EIF2AK4: variants seen among roughly 807,000 people sequenced by gnomAD.
EIF2AK4 encodes the protein eukaryotic translation initiation factor 2 alpha kinase 4.
EIF2AK4 carries 139 observed loss-of-function variants against 211.1 expected under a neutral mutation model. The observed-to-expected ratio is 0.66, with a 90% CI of 0.57 to 0.76. The LOEUF (loss-of-function observed/expected upper bound fraction) is 0.76. Ranked by LOEUF, EIF2AK4 falls within the 30% of genes least tolerant of loss-of-function variation. The pLI, the probability that EIF2AK4 is intolerant of heterozygous loss-of-function variation, is 0.00. For missense variants in EIF2AK4, 1,664 were observed against 2,043.8 expected, an observed-to-expected ratio of 0.81 and a Z score of 3.58; for synonymous variants, 710 against 751.3, an observed-to-expected ratio of 0.94 and a Z score of 0.90.
rs762491649 is a variant in EIF2AK4 at position 39,976,562 on chromosome 15, T to TCGAGCGGCA, written c.1976_1984dup (p.His659_Arg661dup). On this transcript the variant is annotated inframe_insertion, in exon 12 of 39. Coordinates refer to ENST00000263791, the MANE Select transcript of EIF2AK4 (RefSeq NM_001013703.4). ...ATTGTGCGCTACTACAACGCCTGGA[T>TCGAGCGGCA]CGAGCGGCACGAGCGGCCGGCGGGA... 108 of 1,612,464 alleles carry TCGAGCGGCA rather than the reference T, an allele frequency of 6.7e-5. 1 individual carries two copies. The highest frequency in any genetic ancestry group is 1.6e-4 in the Middle Eastern group (1 of 6,080).
At chr15:40,000,129 T>TG (rs1180884830) in intron 20 of EIF2AK4, among the ~76,000 whole-genome samples, 1 of 152,246 alleles carries the variant, frequency 6.6e-6, no homozygotes, top group Non-Finnish European at 1.5e-5. Context: ...GGGTCTATTA[T>TG]GCTCAATAGG....
Position 39,987,872 on chromosome 15 carries a change from G to A in EIF2AK4, c.2404-111G>A, listed in dbSNP as rs56324718. 9,451 of 1,270,320 alleles carry A rather than the reference G, an allele frequency of 7.4e-3. 46 individuals carry two copies. The highest frequency in any genetic ancestry group is 8.4e-3 in the Non-Finnish European group (7,779 of 927,024). 78.7% of individuals were successfully genotyped at this position (1,270,320 alleles called of 1,614,324 possible). A position where few individuals can be genotyped will look rare whatever the true frequency, so the allele number is the denominator to read the frequency against. On this transcript the variant is annotated intron_variant, in intron 14 of 38. Coordinates refer to ENST00000263791, the MANE Select transcript of EIF2AK4 (RefSeq NM_001013703.4). ...AGAAAACCAAGTCTTTCCCCTAACC[G>A]TTTAAAACCCATGGTACACGTTTTA...
In EIF2AK4 at chr15:39,967,830, G is replaced by T; in HGVS notation, c.1504G>T (p.Val502Leu). 1.9e-6 allele frequency: 3 copies of T among 1,614,174 alleles called. No individual in the cohort carries two copies. The highest frequency in any genetic ancestry group is 2.5e-6 in the Non-Finnish European group (3 of 1,180,016). The change falls in exon 9 of 39, where the codon GTG becomes TTG. Residue 502 changes from valine (V) to leucine (L), a missense_variant. Around this residue, in one of 7 missense-constraint regions of EIF2AK4, gnomAD observed 641 missense variants for 729.6 expected, o/e 0.88. Transcript: ENST00000263791. Reference protein sequence around the residue: ...SQGQECGEYPVTIPSDLPADF... With the variant: ...SQGQECGEYPLTIPSDLPADF... ...AGGACAGGAATGTGGAGAGTACCCT[G>T]TGACCATCCCTAGTGACTTACCAGC...
At chr15:40,011,856 A>G (rs1225596559) in intron 27 of EIF2AK4, among the ~76,000 whole-genome samples, 1 of 152,210 alleles carries the variant, frequency 6.6e-6, no homozygotes, top group Non-Finnish European at 1.5e-5. Flanking sequence ...CATCATCAAT[A>G]AGGGAAATCT....
At chr15:39,981,208 A>G (rs557734346) in intron 13 of EIF2AK4, among the ~76,000 whole-genome samples, 1 of 152,206 alleles carries the variant, frequency 6.6e-6, no homozygotes, top group South Asian at 2.1e-4. Flanking sequence ...CATCTCTACT[A>G]AAAATACAAA....
At chr15:40,003,050 A>C in intron 22 of EIF2AK4, 143 bp from the exon 23 acceptor site, 3 of 1,274,106 alleles carry the variant, frequency 2.4e-6, no homozygotes, top group Non-Finnish European at 3.2e-6. Flanking sequence ...TCTATTTATA[A>C]ATTTAGAGAA....
Position 40,019,089 on chromosome 15 carries a change from A to G in EIF2AK4, c.4066-4A>G. 1 of 1,599,614 alleles carries G rather than the reference A, an allele frequency of 6.3e-7. No homozygotes were observed. The highest frequency in any genetic ancestry group is 8.5e-7 in the Non-Finnish European group (1 of 1,171,632). ...TAACCATAACTGTTTGTGTCTCTCC[A>G]CAGATTCCCCAGTTTAGAGGGCCAC... On this transcript the variant is annotated splice_region_variant and splice_polypyrimidine_tract_variant and intron_variant, in intron 29 of 38. Transcript: ENST00000263791.
chr15:39,949,279 C>G lies in EIF2AK4; in HGVS notation c.513+11C>G. 6.2e-7 allele frequency: 1 copy of G among 1,613,118 alleles called. No individual in the cohort carries two copies. Among genetic ancestry groups the G allele is most frequent in the Non-Finnish European group, 8.5e-7 (1 of 1,179,292 alleles). ...AAAGAAGAGCAGGAGGTGAGATGCC[C>G]TTGTCGATGTCTGTGTGCATGGCCA... On this transcript the variant is annotated intron_variant, in intron 4 of 38. Transcript: ENST00000263791.
chr15:39,964,061 T>C (rs2034509513), intron 7 of EIF2AK4, among the ~76,000 whole-genome samples: 1 of 152,236 alleles, frequency 6.6e-6, no homozygotes, highest in Non-Finnish European at 1.5e-5. Flanking sequence ...GCAGGATTTT[T>C]TCCCCTTAGG....
chr15:39,974,614 G>A (rs2034668879), intron 11 of EIF2AK4: 2 of 152,226 alleles, frequency 1.3e-5, no homozygotes, highest in African/African-American at 4.8e-5. Flanking sequence ...GATGATTGAA[G>A]CGTATACTGT....
At chr15:40,008,862 G>A (rs73390606) in intron 25 of EIF2AK4, among the ~76,000 whole-genome samples, 4,071 of 152,154 alleles carry the variant, frequency 0.027, 184 homozygotes, top group African/African-American at 0.093. Context: ...CTACGAGTCC[G>A]CTTTGCCATA....
intron 23 of EIF2AK4, among the ~76,000 whole-genome samples, chr15:40,006,662 AT>A (rs1217581591): frequency 6.6e-6 from 1 of 152,248 alleles, no homozygotes; most frequent in African/African-American, 2.4e-5. Flanking sequence ...TAAAAGTGAC[AT>A]TTTTTTTAAA....
chr15:40,007,091 T>C (rs772490899), intron 24 of EIF2AK4, 26 bp downstream of exon 24: 1 of 1,543,766 alleles, frequency 6.5e-7, no homozygotes. Context: ...AGATTCCATT[T>C]GGTAGACATA....
At chr15:39,995,351 CT>C (rs1258191768) in intron 18 of EIF2AK4, among the ~76,000 whole-genome samples, 1 of 152,206 alleles carries the variant, frequency 6.6e-6, no homozygotes, top group African/African-American at 2.4e-5. Context: ...TCGCCGCCCC[CT>C]CTTTGAGTCC....
chr15:40,019,282 C>T (rs968538497), intron 30 of EIF2AK4, 82 bp downstream of exon 30: 4 of 1,047,802 alleles, frequency 3.8e-6, no homozygotes, highest in Non-Finnish European at 5.5e-6. Flanking sequence ...CAGTCATTTA[C>T]ATGGGGCTTC....
chr15:40,007,795 T>A (rs1481396613), intron 24 of EIF2AK4, among the ~76,000 whole-genome samples: 1 of 152,162 alleles, frequency 6.6e-6, no homozygotes, highest in Non-Finnish European at 1.5e-5. Context: ...TCATCTCTAT[T>A]TCAGACATTT....
In EIF2AK4 at chr15:40,035,097, G is replaced by T; in HGVS notation, c.*13G>T. On this transcript the variant is annotated 3_prime_UTR_variant, in exon 39 of 39. Coordinates refer to ENST00000263791, the MANE Select transcript of EIF2AK4 (RefSeq NM_001013703.4). ...AATCTTATTTTAACCCTAAAGAACT[G>T]TCGTTAACCTCATTCAAACAGACAG... is the stretch of plus-strand genomic sequence containing the variant. 1 of 1,546,906 alleles carries T rather than the reference G, an allele frequency of 6.5e-7. No homozygotes were observed.
intron 2 of EIF2AK4, among the ~76,000 whole-genome samples, chr15:39,943,063 T>C (rs1158722332): frequency 6.6e-6 from 1 of 151,450 alleles, no homozygotes; most frequent in East Asian, 1.9e-4. Flanking sequence ...GAACTCAGAG[T>C]TAGGGATCCA....
intron 35 of EIF2AK4, among the ~76,000 whole-genome samples, chr15:40,031,299 A>G (rs1185480611): frequency 6.6e-6 from 1 of 152,234 alleles, no homozygotes; most frequent in East Asian, 1.9e-4. Flanking sequence ...ATGTTAGAGT[A>G]TGCTGTGGAC....
Sources: gnomAD v4.1 joint callset for allele counts (sites outside exome capture counted in the v4.1 genomes callset) on GRCh38, gnomAD v4.1.1 for gene constraint, gnomAD v4.1.1 regional missense constraint, MANE v1.5 for transcripts, NCBI Gene and HGNC (gene_info 2026-07-23, HGNC 2026-07-21) for gene names.